Variants in HLTF observed in about 807,000 individuals in gnomAD.
HLTF encodes the protein helicase like transcription factor.
Under a neutral mutation model 129.4 loss-of-function variants are expected in HLTF, and 127 were observed. The ratio of observed to expected loss-of-function variants is 0.98; its 90% CI spans 0.85 to 1.14. The LOEUF (loss-of-function observed/expected upper bound fraction) is 1.14, where lower values mean the gene tolerates loss of function less well. Among genes scored for constraint, HLTF ranks in the 50% most tolerant of loss-of-function variants. The probability of loss-of-function intolerance (pLI) is 0.00; values close to 1 mark genes in which losing one functional copy is unlikely to be tolerated. For missense variants in HLTF, 1,139 were observed against 1,187.1 expected, an observed-to-expected ratio of 0.96 and a Z score of 0.60; for synonymous variants, 332 against 388.8, an observed-to-expected ratio of 0.85 and a Z score of 1.72.
chr3:149,053,827 TTAGA>T (rs1387955921), intron 14 of HLTF, among the ~76,000 whole-genome samples: 1 of 152,166 alleles, frequency 6.6e-6, no homozygotes, highest in Non-Finnish European at 1.5e-5. Flanking sequence ...AAATAATCAG[TTAGA>T]TAGTTTATAC....
chr3:149,056,485 C>T (rs1717440269), intron 13 of HLTF, among the ~76,000 whole-genome samples: 1 of 152,216 alleles, frequency 6.6e-6, no homozygotes, highest in South Asian at 2.1e-4. Context: ...GGAAGGTGAG[C>T]AAAGTATCAT....
At position 149,074,273 on chromosome 3, in the gene HLTF, T is replaced by C. The variant is rs952567370; in HGVS notation, c.471A>G (p.Arg157=). The C allele has an allele frequency of 5.0e-6, 8 of 1,613,640 alleles. No individual in the cohort carries two copies. In the African/African-American group the frequency reaches 9.3e-5, roughly 19 times the overall value. Residue 157 remains arginine (R), a synonymous_variant, in exon 4 of 25, where the codon AGA becomes AGG. Coordinates refer to ENST00000310053, the MANE Select transcript of HLTF (RefSeq NM_003071.4). ...HMTFWGKEEN[R]KAVSDQLKKH... is the part of the protein sequence containing the mutation. The stretch of plus-strand genomic sequence containing the variant: ...TCTTCAACTGATCTGAAACCGCTTT[T>C]CTATTTTCTTCTTTTCCCCAAAAAG...
chr3:149,078,416 G>A (rs182192871), intron 2 of HLTF, among the ~76,000 whole-genome samples: 1 of 152,246 alleles, frequency 6.6e-6, no homozygotes, highest in Non-Finnish European at 1.5e-5. Flanking sequence ...CAGGTATGGT[G>A]GTACATGCCT....
intron 3 of HLTF, 75 bp from the exon 4 acceptor site, chr3:149,074,423 T>C: frequency 1.5e-6 from 2 of 1,360,740 alleles, no homozygotes; most frequent in East Asian, 4.6e-5. Context: ...TAGTTCAATA[T>C]TTTAAGTGTA....
Position 149,040,172 on chromosome 3 carries a change from C to G in HLTF, c.2377-16G>C, listed in dbSNP as rs2305867. The G allele has an allele frequency of 3.0e-4, 482 of 1,597,344 alleles. 4 individuals are homozygous for G. The East Asian group carries it at 0.011, about 35-fold the overall frequency. On this transcript the variant is annotated splice_polypyrimidine_tract_variant and intron_variant, in intron 20 of 24. Coordinates refer to ENST00000310053, the MANE Select transcript of HLTF (RefSeq NM_003071.4). Reference sequence around the variant, plus strand: ...TAGCATGTGGCTATATAAGAAAGAACGAAGTATGAGCAACACTTAACAGAA... The same window carrying G: ...TAGCATGTGGCTATATAAGAAAGAAGGAAGTATGAGCAACACTTAACAGAA...
intron 2 of HLTF, among the ~76,000 whole-genome samples, chr3:149,077,120 C>G (rs531867697): frequency 6.6e-6 from 1 of 151,914 alleles, no homozygotes; most frequent in Non-Finnish European, 1.5e-5. Context: ...TGGTGGCACG[C>G]GCCTGTAGTC....
At chr3:149,051,753 C>T (rs530876205) in intron 14 of HLTF, among the ~76,000 whole-genome samples, 17 of 152,128 alleles carry the variant, frequency 1.1e-4, no homozygotes, top group African/African-American at 3.9e-4. Context: ...ACCTATAATT[C>T]CAGCTACTCG....
At position 149,060,670 on chromosome 3, in the gene HLTF, G is replaced by A. The variant is rs773431408; in HGVS notation, c.1258C>T (p.Gln420Ter). The change falls in exon 12 of 25, where the codon CAG becomes TAG. Residue 420 changes from glutamine to a stop codon, truncating the protein, a stop_gained. Transcript: ENST00000310053. LOFTEE classifies it high-confidence loss of function. ...TTCGCCCTGCCTTTAGTTTCAGACT[G>A]TACATTTTTCAGTTTGCCTAAAAAT... Reference protein sequence around the residue: ...QKMKGKLKNVQSETKGRAKAG... With the variant: ...QKMKGKLKNV 3.7e-6 allele frequency: 6 copies of A among 1,613,090 alleles called. No individual in the cohort carries two copies. The highest frequency in any genetic ancestry group is 4.5e-5 in the East Asian group (2 of 44,758).
chr3:149,050,749 T>A (rs1716916310), intron 14 of HLTF, among the ~76,000 whole-genome samples: 2 of 152,160 alleles, frequency 1.3e-5, no homozygotes, highest in South Asian at 4.1e-4. Flanking sequence ...ACAACCAATA[T>A]TTCCAAGGAT....
At chr3:149,082,852 A>G (rs1413308137) in intron 2 of HLTF, among the ~76,000 whole-genome samples, 1 of 152,230 alleles carries the variant, frequency 6.6e-6, no homozygotes, top group African/African-American at 2.4e-5. Flanking sequence ...AATACATAAT[A>G]TGATTCCAAT....
At chr3:149,069,124 A>G (rs1367994100) in intron 7 of HLTF, among the ~76,000 whole-genome samples, 1 of 152,182 alleles carries the variant, frequency 6.6e-6, no homozygotes, top group Non-Finnish European at 1.5e-5. Flanking sequence ...GTATATTAGT[A>G]CTAGTCATCA....
At chr3:149,062,954 A>C in intron 10 of HLTF, 1 of 399,700 alleles carries the variant, frequency 2.5e-6, no homozygotes, top group Admixed American at 2.9e-5. Flanking sequence ...TAAAATGAGA[A>C]TACTCTATCT....
At chr3:149,072,612 A>T (rs1169667760) in intron 5 of HLTF, among the ~76,000 whole-genome samples, 1 of 152,228 alleles carries the variant, frequency 6.6e-6, no homozygotes, top group Non-Finnish European at 1.5e-5. Context: ...AGGTCTAAAA[A>T]ATCAGAAGTA....
chr3:149,066,601 A>G (rs1718399250), intron 8 of HLTF, among the ~76,000 whole-genome samples: 1 of 152,048 alleles, frequency 6.6e-6, no homozygotes, highest in Admixed American at 6.6e-5. Flanking sequence ...TAATGTAGCA[A>G]CCCAAATATT....
intron 5 of HLTF, among the ~76,000 whole-genome samples, chr3:149,072,782 ATATAC>A (rs1410275786): frequency 6.6e-6 from 1 of 152,254 alleles, no homozygotes; most frequent in East Asian, 1.9e-4. Flanking sequence ...TAATTACTTT[ATATAC>A]TTTTTTTTCA....
Position 149,039,684 on chromosome 3 carries a change from G to A in HLTF, c.2512C>T (p.Leu838=). 1.3e-6 allele frequency: 2 copies of A among 1,571,576 alleles called. No homozygotes were observed. Among genetic ancestry groups the A allele is most frequent in the Non-Finnish European group, 1.7e-6 (2 of 1,157,062 alleles). The part of the protein sequence containing the change: ...EWTSSSKINA[L]MHALTDLRKK... Reference sequence around the variant, plus strand: ...CTTAAGTCAGTCAATGCGTGCATTAGCGCATTAATCTGCAAAAAATATTAA... The same window carrying A: ...CTTAAGTCAGTCAATGCGTGCATTAACGCATTAATCTGCAAAAAATATTAA... The change falls in exon 22 of 25, where the codon CTA becomes TTA. Residue 838 remains leucine, a synonymous_variant. Coordinates refer to ENST00000310053, the MANE Select transcript of HLTF (RefSeq NM_003071.4).
intron 22 of HLTF, 126 bp downstream of exon 22, chr3:149,039,454 CT>C: frequency 1.6e-6 from 1 of 608,314 alleles, no homozygotes; most frequent in Non-Finnish European, 2.7e-6. Context: ...TCTATTGTGA[CT>C]CTGAATATCT....
chr3:149,076,304 C>A (rs900987345), intron 2 of HLTF, among the ~76,000 whole-genome samples: 2 of 152,242 alleles, frequency 1.3e-5, no homozygotes, highest in East Asian at 1.9e-4. Context: ...TGTAAACTAG[C>A]AAATTCAAAT....
chr3:149,032,461 T>G, intron 24 of HLTF, 89 bp from the exon 25 acceptor site: 1 of 788,980 alleles, frequency 1.3e-6, no homozygotes, highest in South Asian at 2.3e-5. Context: ...ATTTGCCTAA[T>G]GGCAAAAACC....
Sources: gnomAD v4.1 joint callset for allele counts (sites outside exome capture counted in the v4.1 genomes callset) on GRCh38, gnomAD v4.1.1 for gene constraint, MANE v1.5 for transcripts, NCBI Gene and HGNC (gene_info 2026-07-23, HGNC 2026-07-21) for gene names.